Variants in PIEZO1 observed in about 807,000 individuals in gnomAD.
PIEZO1 encodes piezo type mechanosensitive ion channel component 1 (Er blood group), also known as piezo-type mechanosensitive ion channel component 1.
Under a neutral mutation model 297.2 loss-of-function variants are expected in PIEZO1, and 296 were observed. The ratio of observed to expected loss-of-function variants is 1.00; its 90% CI spans 0.91 to 1.10. The LOEUF is 1.10. PIEZO1 is among the 50% of genes least tolerant of loss of function. The probability of loss-of-function intolerance (pLI) is 0.00; values close to 1 mark genes in which losing one functional copy is unlikely to be tolerated. For synonymous variants in PIEZO1, 2,427 were observed against 1,507.5 expected, an observed-to-expected ratio of 1.61 and a Z score of -14.13; for missense variants, 5,018 against 3,455.5, an observed-to-expected ratio of 1.45 and a Z score of -11.34.
chr16:88,737,274 G>C (rs925290259), intron 10 of PIEZO1: 3 of 398,728 alleles, frequency 7.5e-6, no homozygotes, highest in Non-Finnish European at 1.4e-5. Context: ...TCTCTGGGGA[G>C]GGGTTGGGGG....
chr16:88,721,004 C>G (rs1912397350), intron 39 of PIEZO1, among the ~76,000 whole-genome samples, 162 bp downstream of exon 39: 1 of 152,156 alleles, frequency 6.6e-6, no homozygotes, highest in South Asian at 2.1e-4. Context: ...AGGGACGGCT[C>G]TGTAGGCAGA....
intron 15 of PIEZO1, 37 bp from the exon 16 acceptor site, chr16:88,734,575 G>A (rs956075332): frequency 4.8e-5 from 74 of 1,544,864 alleles, no homozygotes; most frequent in Middle Eastern, 3.6e-4. Context: ...CCCGGCCCCC[G>A]GCAGAGCCGC....
intron 1 of PIEZO1, among the ~76,000 whole-genome samples, chr16:88,750,382 G>A (rs900654138): frequency 2.0e-5 from 3 of 152,238 alleles, no homozygotes; most frequent in Non-Finnish European, 2.9e-5. Context: ...CCCCCAGCAC[G>A]TGTCTGGGAG....
intron 29 of PIEZO1, 33 bp from the exon 30 acceptor site, chr16:88,725,113 G>A (rs758252785): frequency 6.9e-6 from 10 of 1,456,466 alleles, no homozygotes; most frequent in South Asian, 1.3e-5. Context: ...TGAGGCAGCA[G>A]TCAAGCCACC....
rs1906268437 is a variant in PIEZO1 at position 88,749,452 on chromosome 16, G to A, written c.92C>T (p.Ser31Leu). 5.9e-6 allele frequency: 9 copies of A among 1,525,402 alleles called. No homozygotes were observed. Among genetic ancestry groups the A allele is most frequent in the East Asian group, 5.0e-5 (2 of 39,664 alleles). 94.5% of individuals were successfully genotyped at this position (1,525,402 alleles called of 1,614,324 possible). A position where few individuals can be genotyped will look rare whatever the true frequency, so the allele number is the denominator to read the frequency against. Residue 31 changes from serine to leucine, a missense_variant, in exon 2 of 51, where the codon TCG becomes TTG. Coordinates refer to ENST00000301015, the MANE Select transcript of PIEZO1 (RefSeq NM_001142864.4). ...AACLLRFSGL[S>L]LVYLLFLLLL... ...CAGCAGGAAGAGCAGGTAGACCAGC[G>A]AGAGTCCGCTGAAGCGGAGCAGGCA...
intron 1 of PIEZO1, among the ~76,000 whole-genome samples, chr16:88,773,233 G>A (rs1013818694): frequency 3.3e-5 from 5 of 152,240 alleles, no homozygotes; most frequent in African/African-American, 9.6e-5. Context: ...CCAGGCCCTC[G>A]CTCAGGGGAT....
intron 30 of PIEZO1, 65 bp downstream of exon 30, chr16:88,724,944 G>A (rs973761288): frequency 5.8e-6 from 6 of 1,031,704 alleles, no homozygotes; most frequent in Middle Eastern, 3.1e-4. Flanking sequence ...AGCAGGCCAG[G>A]CAGAGGACAG....
At chr16:88,742,268 G>C (rs1428640185) in intron 3 of PIEZO1, 32 bp downstream of exon 3, 2 of 1,521,786 alleles carry the variant, frequency 1.3e-6, no homozygotes, top group Non-Finnish European at 1.8e-6. Flanking sequence ...CCCCAGGATG[G>C]CTATCCCTAC....
chr16:88,726,057 A>C, intron 27 of PIEZO1: 1 of 577,982 alleles, frequency 1.7e-6, no homozygotes, highest in Middle Eastern at 4.6e-4. Context: ...GACACCAGCC[A>C]CCGTCAGCAC....
rs1222286855 is a variant in PIEZO1 at position 88,725,460 on chromosome 16, C to T, written c.4118G>A (p.Arg1373His). 2.4e-5 allele frequency: 36 copies of T among 1,503,228 alleles called. No homozygotes were observed. The highest frequency in any genetic ancestry group is 1.5e-4 in the East Asian group (6 of 40,220). The allele number at this position is 1,503,228 out of a possible 1,614,324, so 93.1% of individuals were successfully genotyped here. Residue 1373 changes from arginine (R) to histidine (H), a missense_variant, in exon 29 of 51, where the codon CGC becomes CAC. Transcript: ENST00000301015. ...CTTGGGGCCCAGGGTGTCCTGGGGG[C>T]GACTGCGGTCCACCCGGCCCTGCCT... ...KHRQGRVDRS[R>H]PQDTLGPKDP...
Position 88,715,803 on chromosome 16 carries a change from G to A in PIEZO1, c.7368C>T (p.Arg2456=), listed in dbSNP as rs111564291. ...SIVLVIGKFV[R]GFFSEISHSI... ...AGTGCGAGATCTCGCTGAAGAATCC[G>A]CGCACGAACTTGCCGATGACCAGCA... Residue 2456 remains arginine, a synonymous_variant, in exon 51 of 51, where the codon CGC becomes CGT. Transcript: ENST00000301015. 9.5e-5 allele frequency: 148 copies of A among 1,550,292 alleles called. 3 individuals carry two copies. The highest frequency in any genetic ancestry group is 5.9e-4 in the South Asian group (50 of 84,064).
At chr16:88,726,162 C>A in intron 27 of PIEZO1, 122 bp downstream of exon 27, 1 of 763,136 alleles carries the variant, frequency 1.3e-6, no homozygotes, top group Non-Finnish European at 2.1e-6. Context: ...ATGACACGCC[C>A]ATGTCACAGA....
At chr16:88,771,342 G>A (rs934189287) in intron 1 of PIEZO1, among the ~76,000 whole-genome samples, 1 of 152,192 alleles carries the variant, frequency 6.6e-6, no homozygotes, top group Non-Finnish European at 1.5e-5. Context: ...AGCAGAGCCA[G>A]GACTGGGAGC....
chr16:88,725,096 G>T lies in PIEZO1; in HGVS notation c.4163-16C>A, dbSNP rs1904331116. On this transcript the variant is annotated splice_polypyrimidine_tract_variant and intron_variant, in intron 29 of 50. Coordinates refer to ENST00000301015, the MANE Select transcript of PIEZO1 (RefSeq NM_001142864.4). ...CTGTCGGGCCCTGTGGAGGGGCAGG[G>T]TGAGCATGAGGCAGCAGTCAAGCCA... is the stretch of plus-strand genomic sequence containing the variant. 1 of 1,501,114 alleles carries T rather than the reference G, an allele frequency of 6.7e-7. No homozygotes were observed. Among genetic ancestry groups the T allele is most frequent in the Non-Finnish European group, 8.9e-7 (1 of 1,126,076 alleles). The allele number at this position is 1,501,114 out of a possible 1,614,324, so 93.0% of individuals were successfully genotyped here. A position where few individuals can be genotyped will look rare whatever the true frequency, so the allele number is the denominator to read the frequency against.
chr16:88,727,489 G>A (rs1904537203), intron 23 of PIEZO1, 68 bp downstream of exon 23: 3 of 681,912 alleles, frequency 4.4e-6, no homozygotes, highest in Admixed American at 2.9e-5. Context: ...ACACTTGTGA[G>A]CAGATTTGGG....
At chr16:88,769,737 T>G (rs1170311715) in intron 1 of PIEZO1, among the ~76,000 whole-genome samples, 3 of 133,788 alleles carry the variant, frequency 2.2e-5, no homozygotes, top group Non-Finnish European at 4.7e-5. Context: ...GGGCTGAGGC[T>G]CAAACACAAC....
intron 6 of PIEZO1, 40 bp downstream of exon 6, chr16:88,738,523 ACCCCT>A: frequency 6.5e-7 from 1 of 1,528,724 alleles, no homozygotes. Flanking sequence ...AACTCCCAAG[ACCCCT>A]CCCAGTGTGA....
chr16:88,771,011 G>A (rs185192737), intron 1 of PIEZO1, among the ~76,000 whole-genome samples: 4 of 152,206 alleles, frequency 2.6e-5, no homozygotes, highest in Admixed American at 2.0e-4. Context: ...GGGCCTGGGC[G>A]GAGCAGCTCC....
At chr16:88,718,199 G>A (rs755960532) in intron 44 of PIEZO1, 22 of 160,278 alleles carry the variant, frequency 1.4e-4, no homozygotes, top group Admixed American at 2.5e-4. Context: ...CCCACAGCAA[G>A]CCACCCGTTC....
Sources: gnomAD v4.1 joint callset for allele counts (sites outside exome capture counted in the v4.1 genomes callset) on GRCh38, gnomAD v4.1.1 for gene constraint, MANE v1.5 for transcripts, NCBI Gene and HGNC (gene_info 2026-07-23, HGNC 2026-07-21) for gene names.